Variants in NFIA observed in about 807,000 individuals in gnomAD.
NFIA encodes nuclear factor 1 A-type.
NFIA carries 8 observed loss-of-function variants against 62.8 expected under a neutral mutation model. That is an observed-to-expected ratio of 0.13 (90% CI 0.07 to 0.23). NFIA has a LOEUF of 0.23. Ranked by LOEUF, NFIA falls within the 10% of genes least tolerant of loss-of-function variation. NFIA has a pLI of 1.00. For missense variants in NFIA, 410 were observed against 642.1 expected (o/e 0.64, Z 3.91); for synonymous variants, 235 against 238.1 (o/e 0.99, Z 0.12).
At chr1:61,275,569 T>C (rs1657759555) in intron 2 of NFIA, among the ~76,000 whole-genome samples, 1 of 152,156 alleles carries the variant, frequency 6.6e-6, no homozygotes, top group African/African-American at 2.4e-5. Context: ...TGGATAGAGA[T>C]GTATGTTTGC....
intron 2 of NFIA, among the ~76,000 whole-genome samples, chr1:61,102,462 T>C (rs1183511213): frequency 6.6e-6 from 1 of 152,184 alleles, no homozygotes; most frequent in Non-Finnish European, 1.5e-5. Flanking sequence ...ATCTCTCTGT[T>C]TTTGCTACTA....
chr1:61,241,081 A>C (rs1321011955), intron 2 of NFIA, among the ~76,000 whole-genome samples: 1 of 152,030 alleles, frequency 6.6e-6, no homozygotes, highest in Non-Finnish European at 1.5e-5. Context: ...CCATGAGCTC[A>C]TAAAACATGA....
intron 4 of NFIA, among the ~76,000 whole-genome samples, chr1:61,339,861 ACT>A (rs1261571867): frequency 1.3e-5 from 2 of 152,078 alleles, no homozygotes; most frequent in East Asian, 1.9e-4. Context: ...CCTTAGACTG[ACT>A]CTGTCCTCAG....
intron 3 of NFIA, among the ~76,000 whole-genome samples, chr1:61,308,305 G>A (rs897001016): frequency 1.3e-5 from 2 of 152,106 alleles, no homozygotes; most frequent in African/African-American, 4.8e-5. Context: ...CATATGCTTT[G>A]CCATTTTAGT....
rs1649591678 is a variant in NFIA at position 61,166,758 on chromosome 1, T to C, written c.559+78078T>C. Reference sequence around the variant, plus strand: ...GCTCTCTCAGCATGATTATTGTCTCTTCCCTACAGTCAATTCAGGAGGGTT... The same window carrying C: ...GCTCTCTCAGCATGATTATTGTCTCCTCCCTACAGTCAATTCAGGAGGGTT... On this transcript the variant is annotated intron_variant, in intron 2 of 10. Coordinates refer to ENST00000403491, the MANE Select transcript of NFIA (RefSeq NM_001134673.4). Among the ~76,000 whole-genome samples the C allele has an allele frequency of 2.6e-5, 4 of 152,336 alleles. No homozygotes were observed. The Middle Eastern group carries it at 0.014, about 518-fold the overall frequency.
At chr1:61,131,646 A>G (rs1427875399) in intron 2 of NFIA, among the ~76,000 whole-genome samples, 3 of 152,140 alleles carry the variant, frequency 2.0e-5, no homozygotes, top group Non-Finnish European at 4.4e-5. Flanking sequence ...TATGTTGCAA[A>G]AAGAAAAGGA....
At chr1:61,376,440 T>C (rs146369004) in intron 6 of NFIA, among the ~76,000 whole-genome samples, 4 of 152,132 alleles carry the variant, frequency 2.6e-5, no homozygotes, top group Non-Finnish European at 5.9e-5. Context: ...ACATCTGGGG[T>C]CATTATCTTC....
chr1:61,306,096 C>T (rs879777258), intron 3 of NFIA, among the ~76,000 whole-genome samples: 11 of 151,690 alleles, frequency 7.3e-5, no homozygotes, highest in East Asian at 1.9e-4. Context: ...GTGATCCGCC[C>T]GCCTTGGCCT....
chr1:61,386,362 G>A (rs1044119644), intron 7 of NFIA, among the ~76,000 whole-genome samples: 2 of 152,142 alleles, frequency 1.3e-5, no homozygotes, highest in Admixed American at 1.3e-4. Flanking sequence ...ATAATCCAGA[G>A]AATCAAACTT....
At chr1:61,393,328 C>G (rs925221689) in intron 7 of NFIA, among the ~76,000 whole-genome samples, 8 of 120,252 alleles carry the variant, frequency 6.7e-5, no homozygotes, top group African/African-American at 3.0e-4. Flanking sequence ...TCTCCCCCTC[C>G]CCAACCCCAC....
At chr1:61,447,615 C>T (rs140622603) in intron 10 of NFIA, among the ~76,000 whole-genome samples, 6 of 152,262 alleles carry the variant, frequency 3.9e-5, no homozygotes, top group East Asian at 1.9e-4. Flanking sequence ...ACAATTTCAT[C>T]GGGTCATTGT....
At chr1:61,305,907 G>T (rs1385066228) in intron 3 of NFIA, among the ~76,000 whole-genome samples, 1 of 150,626 alleles carries the variant, frequency 6.6e-6, no homozygotes, top group African/African-American at 2.5e-5. Context: ...AAGTGCAGTG[G>T]TGTGATCTTG....
At chr1:61,166,243 A>G (rs1002920312) in intron 2 of NFIA, among the ~76,000 whole-genome samples, 2 of 152,230 alleles carry the variant, frequency 1.3e-5, no homozygotes, top group Admixed American at 1.3e-4. Flanking sequence ...GTGAGAGATT[A>G]TGCCAGACGC....
rs1665693530 is a variant in NFIA at position 61,404,001 on chromosome 1, T to A, written c.1076-103T>A. The A allele has an allele frequency of 2.2e-6, 3 of 1,342,176 alleles. No homozygotes were observed. The Admixed American group carries it at 5.9e-5, about 26-fold the overall frequency. 83.1% of individuals were successfully genotyped at this position (1,342,176 alleles called of 1,614,324 possible). A position where few individuals can be genotyped will look rare whatever the true frequency, so the allele number is the denominator to read the frequency against. On this transcript the variant is annotated intron_variant, in intron 7 of 10. Transcript: ENST00000403491. The stretch of plus-strand genomic sequence containing the variant: ...AAATTCAGTCACATGAGCAATATTG[T>A]GAATCGGGCCAGGAAGAGAAATAAA...
chr1:61,359,959 C>A (rs559870962), intron 6 of NFIA, among the ~76,000 whole-genome samples: 202 of 152,238 alleles, frequency 1.3e-3, no homozygotes, highest in Admixed American at 2.8e-3. Context: ...TAATAAAAAT[C>A]TATCAACTTT....
intron 7 of NFIA, among the ~76,000 whole-genome samples, chr1:61,388,520 CT>C (rs1664812990): frequency 6.6e-6 from 1 of 152,172 alleles, no homozygotes; most frequent in Admixed American, 6.5e-5. Flanking sequence ...CTTCTTGAAA[CT>C]TATCTTTTTG....
rs576562488 is a variant in NFIA at position 61,232,464 on chromosome 1, A to C, written c.560-45056A>C. 2.0e-5 allele frequency among the ~76,000 whole-genome samples: 3 copies of C among 152,258 alleles called. No homozygotes were observed. In the East Asian group the frequency reaches 5.8e-4, roughly 29 times the overall value. On this transcript the variant is annotated intron_variant, in intron 2 of 10. Transcript: ENST00000403491. ...ACATGTTATAAGTGGTAAAGCCACAAGTGAATTATGCAGGTCATCTCAACT... is the reference window on the plus strand; with the variant it reads ...ACATGTTATAAGTGGTAAAGCCACACGTGAATTATGCAGGTCATCTCAACT...
intron 2 of NFIA, among the ~76,000 whole-genome samples, chr1:61,125,609 G>A (rs1321040323): frequency 6.6e-6 from 1 of 152,050 alleles, no homozygotes; most frequent in Non-Finnish European, 1.5e-5. Context: ...TGCAAAATAT[G>A]GTGTCATATG....
At position 61,088,247 on chromosome 1, in the gene NFIA, A is replaced by G; in HGVS notation, c.126A>G (p.Lys42=). ...AGGCCCGAAAACGAAAATACTTCAA[A>G]AAACATGAAAAGCGTATGTCAAAAG... The part of the protein sequence containing the change: ...NLQARKRKYF[K]KHEKRMSKEE... Residue 42 remains lysine, a synonymous_variant, in exon 2 of 11, where the codon AAA becomes AAG. Coordinates refer to ENST00000403491, the MANE Select transcript of NFIA (RefSeq NM_001134673.4). The surrounding 1 kb of genome is among the most constrained non-coding windows in gnomAD (Gnocchi z 4.5). The G allele has an allele frequency of 6.2e-7, 1 of 1,613,710 alleles. No homozygotes were observed. The highest frequency in any genetic ancestry group is 8.5e-7 in the Non-Finnish European group (1 of 1,179,942).
Sources: gnomAD v4.1 joint callset for allele counts (sites outside exome capture counted in the v4.1 genomes callset) on GRCh38, gnomAD v4.1.1 for gene constraint, Gnocchi (gnomAD v3.1) non-coding constraint, MANE v1.5 for transcripts, NCBI Gene and HGNC (gene_info 2026-07-23, HGNC 2026-07-21) for gene names.